Variants in SHROOM4 observed in about 807,000 individuals in gnomAD.
SHROOM4 encodes the protein shroom family member 4.
Under a neutral mutation model 80.3 loss-of-function variants are expected in SHROOM4, and 17 were observed. The observed-to-expected ratio is 0.21, with a 90% confidence interval of 0.14 to 0.32. The LOEUF is 0.32. Ranked by LOEUF, SHROOM4 falls within the 10% of genes least tolerant of loss-of-function variation. The probability of loss-of-function intolerance (pLI) is 1.00; values close to 1 mark genes in which losing one functional copy is unlikely to be tolerated. For missense variants in SHROOM4, 993 were observed against 1,140.3 expected (o/e 0.87, Z 1.86); for synonymous variants, 400 against 437.5 (o/e 0.91, Z 1.07).
intron 1 of SHROOM4, among the ~76,000 whole-genome samples, chrX:50,812,747 A>AC (rs1288524488): frequency 8.6e-5 from 6 of 69,772 alleles, no homozygotes; most frequent in East Asian, 8.3e-4. Flanking sequence ...GTTGAACCCC[A>AC]CCCCCCCGCA....
At chrX:50,577,670 T>C in the SHROOM4 span, among the ~76,000 whole-genome samples, 1 of 112,110 alleles carries the variant, frequency 8.9e-6, no homozygotes, top group Non-Finnish European at 1.9e-5. Context: ...CTCCTCCAAT[T>C]GCCTACCTAC....
intron 2 of SHROOM4, among the ~76,000 whole-genome samples, chrX:50,678,918 T>A (rs1369607194): frequency 9.0e-6 from 1 of 111,448 alleles, no homozygotes; most frequent in Non-Finnish European, 1.9e-5. Flanking sequence ...TCCCATTCAC[T>A]CTTCACTGAA....
intron 1 of SHROOM4, among the ~76,000 whole-genome samples, chrX:50,737,913 A>G (rs1461791899): frequency 1.8e-5 from 2 of 111,720 alleles, no homozygotes; most frequent in African/African-American, 3.3e-5. Flanking sequence ...GATGAACATC[A>G]ATGCAAAAAT....
chrX:50,698,345 A>G (rs888966405), intron 1 of SHROOM4, among the ~76,000 whole-genome samples: 1 of 111,222 alleles, frequency 9.0e-6, no homozygotes, highest in Non-Finnish European at 1.9e-5. Context: ...TTTCTGTTCC[A>G]TGCCCCTTCT....
the SHROOM4 span, among the ~76,000 whole-genome samples, chrX:50,578,053 A>G: frequency 8.9e-6 from 1 of 112,071 alleles, no homozygotes; most frequent in African/African-American, 3.2e-5. Context: ...TGAGGCTGAC[A>G]TAGACTAATA....
Position 50,607,279 on chromosome X carries a change from A to T in SHROOM4, c.3761+102T>A, listed in dbSNP as rs946504504. ...GAAAACTGAGGCTGGGAGCAGTTTAACTGGCCAGCCTGAGGTCATCCAGTT... is the reference window on the plus strand; with the variant it reads ...GAAAACTGAGGCTGGGAGCAGTTTATCTGGCCAGCCTGAGGTCATCCAGTT... On this transcript the variant is annotated intron_variant, in intron 6 of 8. Transcript: ENST00000376020. 7 of 933,346 alleles carry T rather than the reference A, an allele frequency of 7.5e-6. No homozygotes were observed. In the Admixed American group the frequency reaches 1.5e-4, roughly 21 times the overall value. The allele number at this position is 933,346 out of a possible 1,213,427, so 76.9% of individuals were successfully genotyped here.
intron 2 of SHROOM4, among the ~76,000 whole-genome samples, chrX:50,677,494 G>A (rs909085804): frequency 1.8e-5 from 2 of 111,081 alleles, no homozygotes; most frequent in African/African-American, 3.3e-5. Context: ...TGGTGAGATT[G>A]AGTCTAGAAA....
intron 3 of SHROOM4, among the ~76,000 whole-genome samples, chrX:50,636,527 G>A (rs782595060): frequency 1.1e-4 from 12 of 110,406 alleles, no homozygotes; most frequent in African/African-American, 4.0e-4. Flanking sequence ...TTTAGATTCC[G>A]GGGGTACACG....
intron 1 of SHROOM4, among the ~76,000 whole-genome samples, chrX:50,802,435 C>A (rs1451380249): frequency 8.9e-6 from 1 of 111,833 alleles, no homozygotes; most frequent in East Asian, 2.8e-4. Context: ...GGTTGGTCTT[C>A]CCAATTCCCA....
intron 2 of SHROOM4, among the ~76,000 whole-genome samples, chrX:50,692,662 C>T (rs1445792423): frequency 9.0e-6 from 1 of 111,274 alleles, no homozygotes; most frequent in East Asian, 2.8e-4. Flanking sequence ...TAAATCTTGA[C>T]CAATCCAAGA....
intron 1 of SHROOM4, among the ~76,000 whole-genome samples, chrX:50,699,067 T>C (rs1311479378): frequency 1.8e-5 from 2 of 112,123 alleles, no homozygotes; most frequent in African/African-American, 3.2e-5. Context: ...TCAGGGTGGC[T>C]TTCTTGTTTC....
intron 6 of SHROOM4, among the ~76,000 whole-genome samples, chrX:50,603,466 CCCA>C (rs1460788888): frequency 9.0e-6 from 1 of 111,394 alleles, no homozygotes; most frequent in African/African-American, 3.3e-5. Context: ...CTTGTCACCG[CCCA>C]CCACATCTCT....
At chrX:50,618,287 CCTTCCTTCCT>C in intron 5 of SHROOM4, among the ~76,000 whole-genome samples, 1 of 221 alleles carries the variant, frequency 4.5e-3, no homozygotes, top group Non-Finnish European at 7.2e-3. Flanking sequence ...CCCCTTCCTT[CCTTCCTTCCT>C]TCCTTCCTTC....
At chrX:50,754,942 T>C (rs1205737402) in intron 1 of SHROOM4, among the ~76,000 whole-genome samples, 1 of 112,336 alleles carries the variant, frequency 8.9e-6, no homozygotes, top group Non-Finnish European at 1.9e-5. Flanking sequence ...GCACTGTGAC[T>C]TCAGGCAGAT....
intron 2 of SHROOM4, among the ~76,000 whole-genome samples, chrX:50,644,557 G>C (rs782284147): frequency 3.6e-5 from 4 of 111,793 alleles, no homozygotes; most frequent in Non-Finnish European, 7.5e-5. Context: ...TTAGAGTCAG[G>C]GTTTTCCTTT....
chrX:50,610,474 T>TA (rs1281730242), intron 5 of SHROOM4, among the ~76,000 whole-genome samples: 2 of 110,891 alleles, frequency 1.8e-5, no homozygotes, highest in Non-Finnish European at 3.8e-5. Flanking sequence ...AGAGACAACT[T>TA]ACATTTAATT....
At chrX:50,604,452 C>T (rs1602357577) in intron 6 of SHROOM4, among the ~76,000 whole-genome samples, 1 of 111,873 alleles carries the variant, frequency 8.9e-6, no homozygotes, top group East Asian at 2.8e-4. Flanking sequence ...CTATGCTATA[C>T]TGCCAAAGGG....
intron 2 of SHROOM4, among the ~76,000 whole-genome samples, chrX:50,640,489 T>C (rs781800743): frequency 9.1e-6 from 1 of 109,689 alleles, no homozygotes; most frequent in East Asian, 2.9e-4. Flanking sequence ...CCTGTTCTAG[T>C]CCAGGCCCTT....
intron 2 of SHROOM4, among the ~76,000 whole-genome samples, chrX:50,658,526 C>T (rs1325941387): frequency 9.0e-6 from 1 of 111,534 alleles, no homozygotes; most frequent in African/African-American, 3.3e-5. Flanking sequence ...TTTCAGAGTG[C>T]AAATCTGGTC....
Sources: allele counts gnomAD v4.1 joint callset (sites outside exome capture counted in the v4.1 genomes callset), GRCh38; gene constraint gnomAD v4.1.1; transcripts MANE v1.5; gene names NCBI Gene and HGNC (gene_info 2026-07-23, HGNC 2026-07-21).